Variants in SMOC2 observed in about 807,000 individuals in gnomAD.
The protein encoded by SMOC2 is SPARC related modular calcium binding 2, also known as SPARC-related modular calcium-binding protein 2.
A neutral mutation model predicts 61.4 loss-of-function variants in SMOC2; 39 were observed. That is an observed-to-expected ratio of 0.64 (90% confidence interval 0.49 to 0.83). SMOC2 has a LOEUF of 0.83. Ranked by LOEUF, SMOC2 falls within the 40% of genes least tolerant of loss-of-function variation. The pLI, the probability that SMOC2 is intolerant of heterozygous loss-of-function variation, is 0.00. For synonymous variants in SMOC2, 247 were observed against 239.9 expected (o/e 1.03, Z -0.27); for missense variants, 556 against 592.9 (o/e 0.94, Z 0.65).
intron 4 of SMOC2, among the ~76,000 whole-genome samples, chr6:168,540,105 A>C (rs1783844932): frequency 6.6e-6 from 1 of 152,252 alleles, no homozygotes; most frequent in South Asian, 2.1e-4. Flanking sequence ...GCTTGAGTAA[A>C]TTCTGTTTAA....
intron 9 of SMOC2, among the ~76,000 whole-genome samples, chr6:168,633,598 A>G (rs10081063): frequency 0.16 from 24,240 of 152,208 alleles, 2,058 homozygotes; most frequent in South Asian, 0.29. Context: ...TCACAATACA[A>G]TGCTTGGCCA....
rs770664506 is a variant in SMOC2 at position 168,664,072 on chromosome 6, A to G, written c.1286-2A>G. On this transcript the variant is annotated splice_acceptor_variant, in intron 11 of 12. Coordinates refer to ENST00000356284, the MANE Select transcript of SMOC2 (RefSeq NM_001166412.2). LOFTEE classifies it high-confidence loss of function. ...AATAATATCTTTTTTTTTTCCTGCT[A>G]GCCCCCAGAGGTCATGCTGAAAGTA... The G allele has an allele frequency of 1.3e-6, 2 of 1,599,980 alleles. No homozygotes were observed. The highest frequency in any genetic ancestry group is 1.7e-6 in the Non-Finnish European group (2 of 1,175,474).
At chr6:168,580,433 G>T (rs1317921580) in intron 7 of SMOC2, among the ~76,000 whole-genome samples, 1 of 152,226 alleles carries the variant, frequency 6.6e-6, no homozygotes, top group Non-Finnish European at 1.5e-5. Context: ...CCTGTCACTG[G>T]TGTGAATATG....
At chr6:168,458,336 C>T (rs1184227374) in intron 1 of SMOC2, among the ~76,000 whole-genome samples, 1 of 149,858 alleles carries the variant, frequency 6.7e-6, no homozygotes, top group Non-Finnish European at 1.5e-5. Flanking sequence ...GCTGCCTGCC[C>T]TGGGGGTCCT....
At chr6:168,619,795 G>A (rs1786198937) in intron 9 of SMOC2, among the ~76,000 whole-genome samples, 1 of 152,224 alleles carries the variant, frequency 6.6e-6, no homozygotes. Context: ...GGACAGAGGG[G>A]ACTCTGCCTG....
At chr6:168,494,973 G>A (rs1378988407) in intron 1 of SMOC2, among the ~76,000 whole-genome samples, 2 of 152,214 alleles carry the variant, frequency 1.3e-5, no homozygotes, top group Non-Finnish European at 2.9e-5. Flanking sequence ...ACCTCGCTCG[G>A]CCTTGCCCCT....
intron 1 of SMOC2, among the ~76,000 whole-genome samples, chr6:168,462,289 A>C (rs2115004222): frequency 6.6e-6 from 1 of 152,322 alleles, no homozygotes; most frequent in South Asian, 2.1e-4. Flanking sequence ...ATGCTAAGCT[A>C]TGACAGATTG....
intron 9 of SMOC2, among the ~76,000 whole-genome samples, chr6:168,632,835 G>A (rs972294918): frequency 6.6e-6 from 1 of 152,164 alleles, no homozygotes; most frequent in East Asian, 1.9e-4. Flanking sequence ...TCCTTTTGAT[G>A]CCTTTTCCCT....
At position 168,473,677 on chromosome 6, in the gene SMOC2, T is replaced by C. The variant is rs188602199; in HGVS notation, c.84+32223T>C. Among the ~76,000 whole-genome samples the C allele has an allele frequency of 3.0e-4, 45 of 152,262 alleles. No individual in the cohort carries two copies. The East Asian group carries it at 7.0e-3, about 24-fold the overall frequency. ...CTTGAGAATTTGGTGCAGGCCGTCC[T>C]TGTCATCCCTACTTGGGAGAGGAAT... On this transcript the variant is annotated intron_variant, in intron 1 of 12. Transcript: ENST00000356284.
intron 1 of SMOC2, among the ~76,000 whole-genome samples, chr6:168,478,600 T>C (rs1484207836): frequency 6.6e-6 from 1 of 152,214 alleles, no homozygotes; most frequent in Non-Finnish European, 1.5e-5. Context: ...TAAAGAACTT[T>C]CAACTCAATT....
chr6:168,461,484 A>G (rs1322847660), intron 1 of SMOC2, among the ~76,000 whole-genome samples: 1 of 152,192 alleles, frequency 6.6e-6, no homozygotes, highest in Non-Finnish European at 1.5e-5. Context: ...AACTTTTATG[A>G]CAACTTTTTA....
intron 4 of SMOC2, among the ~76,000 whole-genome samples, chr6:168,534,839 G>A (rs368671467): frequency 6.6e-6 from 1 of 151,974 alleles, no homozygotes; most frequent in East Asian, 1.9e-4. Context: ...GTGACTTTTC[G>A]CTCCTGTTTT....
chr6:168,615,442 C>T (rs1201284730), intron 9 of SMOC2, among the ~76,000 whole-genome samples: 7 of 98,068 alleles, frequency 7.1e-5, no homozygotes, highest in African/African-American at 1.6e-4. Flanking sequence ...CCTCTTCACA[C>T]CTACAGCCAG....
chr6:168,560,279 C>T (rs1046771365), intron 7 of SMOC2, among the ~76,000 whole-genome samples: 1 of 152,168 alleles, frequency 6.6e-6, no homozygotes, highest in Non-Finnish European at 1.5e-5. Context: ...TCACGTCAGG[C>T]TATTGTGTTT....
intron 9 of SMOC2, among the ~76,000 whole-genome samples, chr6:168,649,978 G>T (rs561553452): frequency 6.6e-6 from 1 of 152,324 alleles, no homozygotes; most frequent in South Asian, 2.1e-4. Context: ...AGTGTCTCAG[G>T]CATGGTGTCA....
rs183550843 is a variant in SMOC2, at chr6:168,497,720, C to T, written c.85-12195C>T. 3.9e-4 allele frequency among the ~76,000 whole-genome samples: 59 copies of T among 152,296 alleles called. No homozygotes were observed. In the East Asian group the frequency reaches 5.6e-3, roughly 14 times the overall value. On this transcript the variant is annotated intron_variant, in intron 1 of 12. Transcript: ENST00000356284. ...TGAAGTGAGAGACAAACTCGGTTTT[C>T]GGGTTATTCAATCATCGCCCTGCAT...
chr6:168,558,989 G>T (rs1784325588), intron 7 of SMOC2, among the ~76,000 whole-genome samples: 1 of 152,244 alleles, frequency 6.6e-6, no homozygotes, highest in African/African-American at 2.4e-5. Context: ...ACACATGCAT[G>T]TTTACTGTAA....
chr6:168,571,187 T>A (rs1163820907), intron 7 of SMOC2, among the ~76,000 whole-genome samples: 1 of 152,242 alleles, frequency 6.6e-6, no homozygotes. Flanking sequence ...GGCAGTTGAA[T>A]ACATCTTTTT....
chr6:168,644,292 C>T (rs1786968953), intron 9 of SMOC2, among the ~76,000 whole-genome samples: 1 of 152,180 alleles, frequency 6.6e-6, no homozygotes, highest in Non-Finnish European at 1.5e-5. Flanking sequence ...AGCGGGGCTG[C>T]CACTCAGAGG....
Sources: allele counts gnomAD v4.1 joint callset (sites outside exome capture counted in the v4.1 genomes callset), GRCh38; gene constraint gnomAD v4.1.1; transcripts MANE v1.5; gene names NCBI Gene and HGNC (gene_info 2026-07-23, HGNC 2026-07-21).